Variants in PCSK2 observed in about 807,000 individuals in gnomAD.
The protein encoded by PCSK2 is neuroendocrine convertase 2.
In PCSK2, 14 loss-of-function variants were observed where a neutral mutation model predicts 69.7. The observed-to-expected ratio is 0.20, with a 90% CI of 0.13 to 0.31. The LOEUF (loss-of-function observed/expected upper bound fraction) is 0.31, where lower values mean the gene tolerates loss of function less well. Among genes scored for constraint, PCSK2 ranks in the 10% least tolerant of loss-of-function variants. The probability of loss-of-function intolerance (pLI) is 1.00; values close to 1 mark genes in which losing one functional copy is unlikely to be tolerated. For synonymous variants in PCSK2, 307 were observed against 320.7 expected (o/e 0.96, Z 0.46); for missense variants, 544 against 842.5 (o/e 0.65, Z 4.39).
At chr20:17,401,825 G>C (rs921402709) in intron 5 of PCSK2, among the ~76,000 whole-genome samples, 2 of 152,198 alleles carry the variant, frequency 1.3e-5, no homozygotes, top group Non-Finnish European at 2.9e-5. Flanking sequence ...TGCTTGATTT[G>C]AGGTGGTGGC....
intron 5 of PCSK2, among the ~76,000 whole-genome samples, chr20:17,408,164 C>T (rs1365639029): frequency 6.6e-6 from 1 of 152,040 alleles, no homozygotes; most frequent in South Asian, 2.1e-4. Context: ...CCAGTGTTTC[C>T]TGGCCCAGTG....
rs532048880 is a variant in PCSK2, at chr20:17,456,622, C to T, written c.1202+174C>T. 7.9e-5 allele frequency among the ~76,000 whole-genome samples: 12 copies of T among 152,340 alleles called. No individual in the cohort carries two copies. The East Asian group carries it at 1.2e-3, about 15-fold the overall frequency. On this transcript the variant is annotated intron_variant, in intron 10 of 11. Coordinates refer to ENST00000262545, the MANE Select transcript of PCSK2 (RefSeq NM_002594.5). ...AGTGGCCCATGTGCCCACCAGCACA[C>T]GTGCGTGTGCATACACACACACACG...
At chr20:17,342,818 CT>C (rs1195365751) in intron 2 of PCSK2, among the ~76,000 whole-genome samples, 1 of 151,550 alleles carries the variant, frequency 6.6e-6, no homozygotes, top group Non-Finnish European at 1.5e-5. Flanking sequence ...TTTTCTTTTC[CT>C]TTTTTTCTTT....
intron 10 of PCSK2, among the ~76,000 whole-genome samples, chr20:17,459,257 T>C (rs1429248383): frequency 6.6e-6 from 1 of 152,198 alleles, no homozygotes; most frequent in South Asian, 2.1e-4. Context: ...TGCAAGAGAT[T>C]CCTCCATGTT....
chr20:17,348,059 GAAAGAAA>G (rs1990740135), intron 2 of PCSK2, among the ~76,000 whole-genome samples: 12 of 60,700 alleles, frequency 2.0e-4, no homozygotes, highest in African/African-American at 7.9e-4. Context: ...AGGAAAGAAA[GAAAGAAA>G]GAAAGAAAGA....
rs534264346 is a variant in PCSK2 at position 17,280,255 on chromosome 20, G to A, written c.282+19911G>A. Among the ~76,000 whole-genome samples, 8 of 152,260 alleles carry A rather than the reference G, an allele frequency of 5.3e-5. No homozygotes were observed. In the South Asian group the frequency reaches 1.5e-3, roughly 28 times the overall value. ...TTTGACTTATAAGTACACACATATT[G>A]AATTTTTCTTATTAATGACTGCATA... On this transcript the variant is annotated intron_variant, in intron 2 of 11. Transcript: ENST00000262545.
At chr20:17,430,245 A>G (rs1479927733) in intron 7 of PCSK2, among the ~76,000 whole-genome samples, 3 of 152,198 alleles carry the variant, frequency 2.0e-5, no homozygotes, top group South Asian at 2.1e-4. Flanking sequence ...ACAGACAGAG[A>G]CAGAGACTGA....
At chr20:17,358,095 C>T (rs1053645303) in intron 2 of PCSK2, among the ~76,000 whole-genome samples, 12 of 151,488 alleles carry the variant, frequency 7.9e-5, no homozygotes, top group South Asian at 2.1e-4. Flanking sequence ...CACTTGAGCT[C>T]GGGAGTTCGA....
At chr20:17,320,234 C>T (rs1989822262) in intron 2 of PCSK2, among the ~76,000 whole-genome samples, 1 of 152,206 alleles carries the variant, frequency 6.6e-6, no homozygotes, top group South Asian at 2.1e-4. Context: ...AGACACTTAG[C>T]TCTCATCCAT....
intron 1 of PCSK2, among the ~76,000 whole-genome samples, chr20:17,235,496 T>C (rs1232653620): frequency 6.6e-6 from 1 of 152,156 alleles, no homozygotes; most frequent in African/African-American, 2.4e-5. Flanking sequence ...AAGTGAACAA[T>C]ATACAGAATC....
At position 17,440,560 on chromosome 20, in the gene PCSK2, G is replaced by A. The variant is rs146796506; in HGVS notation, c.885+3677G>A. 3.0e-3 allele frequency among the ~76,000 whole-genome samples: 453 copies of A among 152,258 alleles called. 3 individuals are homozygous for A. The highest frequency in any genetic ancestry group is 0.01 in the African/African-American group (434 of 41,552). Reference sequence around the variant, plus strand: ...GGTAGCCCAAATAAATTGGTTTCTCGTAAGAATGCACCAGGAGGGCCTTGG... The same window carrying A: ...GGTAGCCCAAATAAATTGGTTTCTCATAAGAATGCACCAGGAGGGCCTTGG... On this transcript the variant is annotated intron_variant, in intron 8 of 11. Coordinates refer to ENST00000262545, the MANE Select transcript of PCSK2 (RefSeq NM_002594.5).
rs113037923 is a variant in PCSK2, at chr20:17,453,104, A to G, written c.886-638A>G. On this transcript the variant is annotated intron_variant, in intron 8 of 11. Transcript: ENST00000262545. This position sits in a 1 kb window ranked among gnomAD's most constrained non-coding sequence, Gnocchi z 4.0. ...GTGTTTAAAAGGATTCTAGTATCCAATTGAATAAAAAAGAATATATACATA... is the reference window on the plus strand; with the variant it reads ...GTGTTTAAAAGGATTCTAGTATCCAGTTGAATAAAAAAGAATATATACATA... 5.3e-4 allele frequency among the ~76,000 whole-genome samples: 81 copies of G among 152,348 alleles called. No homozygotes were observed. Among genetic ancestry groups the G allele is most frequent in the African/African-American group, 1.8e-3 (73 of 41,582 alleles).
intron 5 of PCSK2, among the ~76,000 whole-genome samples, chr20:17,403,456 T>A (rs1046593640): frequency 2.0e-5 from 3 of 152,226 alleles, no homozygotes; most frequent in African/African-American, 7.2e-5. Context: ...GTAGGCGCAA[T>A]AGCAAAATTC....
chr20:17,447,383 C>T (rs947486818), intron 8 of PCSK2, among the ~76,000 whole-genome samples: 2 of 151,454 alleles, frequency 1.3e-5, no homozygotes, highest in Admixed American at 6.6e-5. Flanking sequence ...AGGAAAGACA[C>T]AAAAAGATAA....
intron 2 of PCSK2, among the ~76,000 whole-genome samples, chr20:17,288,947 G>A (rs1474119753): frequency 1.3e-5 from 2 of 152,136 alleles, no homozygotes; most frequent in Non-Finnish European, 2.9e-5. Flanking sequence ...TATCCCAAAA[G>A]GCTATCCGCA....
intron 2 of PCSK2, among the ~76,000 whole-genome samples, chr20:17,278,302 A>G (rs1354356161): frequency 1.3e-5 from 2 of 152,224 alleles, no homozygotes; most frequent in African/African-American, 4.8e-5. Flanking sequence ...TCACAATAGC[A>G]AAGACTTGGA....
intron 8 of PCSK2, among the ~76,000 whole-genome samples, chr20:17,438,375 A>T (rs1469554540): frequency 6.6e-6 from 1 of 152,226 alleles, no homozygotes; most frequent in Non-Finnish European, 1.5e-5. Flanking sequence ...GGCATAAAAA[A>T]GAGAATATTG....
chr20:17,388,386 G>A (rs1031386658), intron 5 of PCSK2, among the ~76,000 whole-genome samples: 18 of 152,044 alleles, frequency 1.2e-4, no homozygotes, highest in African/African-American at 4.3e-4. Flanking sequence ...TTTTCTAGGA[G>A]AAAGATTATT....
At chr20:17,458,846 T>C (rs559372317) in intron 10 of PCSK2, among the ~76,000 whole-genome samples, 1 of 152,302 alleles carries the variant, frequency 6.6e-6, no homozygotes, top group African/African-American at 2.4e-5. Context: ...CAGGAAATAT[T>C]GCTCCCATCT....
Sources: allele counts gnomAD v4.1 joint callset (sites outside exome capture counted in the v4.1 genomes callset), GRCh38; gene constraint gnomAD v4.1.1; non-coding constraint Gnocchi (gnomAD v3.1); transcripts MANE v1.5; gene names NCBI Gene and HGNC (gene_info 2026-07-23, HGNC 2026-07-21).